The following PARP15 variants were observed in gnomAD, a reference collection of about 807,000 sequenced individuals.
PARP15 encodes the protein poly(ADP-ribose) polymerase family member 15.
A neutral mutation model predicts 62.1 loss-of-function variants in PARP15; 50 were observed. The ratio of observed to expected loss-of-function variants is 0.81; its 90% CI spans 0.64 to 1.02. PARP15 has a LOEUF of 1.02. Among genes scored for constraint, PARP15 ranks in the 50% least tolerant of loss-of-function variants. The probability of loss-of-function intolerance (pLI) is 0.00; values close to 1 mark genes in which losing one functional copy is unlikely to be tolerated. For synonymous variants in PARP15, 309 were observed against 293.1 expected (o/e 1.05, Z -0.55); for missense variants, 820 against 826.5 (o/e 0.99, Z 0.10).
chr3:122,578,051 G>GTT (rs765157695), intron 1 of PARP15, among the ~76,000 whole-genome samples, 198 bp downstream of exon 1: 2 of 58,900 alleles, frequency 3.4e-5, no homozygotes, highest in South Asian at 6.9e-4. Flanking sequence ...ATTTCTGGTG[G>GTT]TTTTTTTTTT....
At chr3:122,626,803 T>C (rs369292681) in intron 8 of PARP15, 24 bp from the exon 9 acceptor site, 29 of 1,602,236 alleles carry the variant, frequency 1.8e-5, no homozygotes, top group Non-Finnish European at 2.2e-5. Context: ...GGGAAACTTC[T>C]TTGTCATTAA....
At chr3:122,600,092 T>C (rs552260897) in intron 1 of PARP15, among the ~76,000 whole-genome samples, 88 of 152,336 alleles carry the variant, frequency 5.8e-4, no homozygotes, top group African/African-American at 1.9e-3. Flanking sequence ...TTAGCAGATA[T>C]AAGCACAAAA....
At chr3:122,592,510 T>C (rs2107478906) in intron 1 of PARP15, among the ~76,000 whole-genome samples, 1 of 152,042 alleles carries the variant, frequency 6.6e-6, no homozygotes, top group East Asian at 1.9e-4. Flanking sequence ...ACTGAGGTGA[T>C]GGGTATTTAG....
At chr3:122,579,485 C>G (rs2080754163) in intron 1 of PARP15, among the ~76,000 whole-genome samples, 1 of 152,206 alleles carries the variant, frequency 6.6e-6, no homozygotes, top group East Asian at 1.9e-4. Context: ...TGTCTTCAAC[C>G]TCTTCACTCA....
intron 1 of PARP15, among the ~76,000 whole-genome samples, chr3:122,598,709 G>A (rs969285457): frequency 2.6e-5 from 4 of 152,052 alleles, no homozygotes; most frequent in Admixed American, 6.6e-5. Context: ...AGGAGACTAC[G>A]CAAAGGCTCA....
intron 2 of PARP15, among the ~76,000 whole-genome samples, chr3:122,608,591 G>A (rs1935338805): frequency 6.6e-6 from 1 of 151,956 alleles, no homozygotes; most frequent in South Asian, 2.1e-4. Context: ...CCCAATTATA[G>A]CCATTCTTCA....
intron 8 of PARP15, among the ~76,000 whole-genome samples, chr3:122,624,392 T>C (rs1021294691): frequency 2.6e-5 from 4 of 152,168 alleles, no homozygotes; most frequent in Admixed American, 6.5e-5. Context: ...ACCAGGACTT[T>C]CCTGGTTTTA....
At chr3:122,634,494 G>A (rs759376414) in intron 10 of PARP15, among the ~76,000 whole-genome samples, 4 of 152,174 alleles carry the variant, frequency 2.6e-5, no homozygotes, top group Non-Finnish European at 5.9e-5. Context: ...AGAAGGGGAT[G>A]GCTCGTGGTT....
At chr3:122,635,707 C>T (rs1937320425) in intron 11 of PARP15, 104 bp from the exon 12 acceptor site, 20 of 1,315,318 alleles carry the variant, frequency 1.5e-5, no homozygotes, top group Non-Finnish European at 3.1e-6. Context: ...GCCAACACAC[C>T]TGGCTAAAAC....
At chr3:122,625,714 A>C (rs1034979295) in intron 8 of PARP15, among the ~76,000 whole-genome samples, 8 of 152,216 alleles carry the variant, frequency 5.3e-5, no homozygotes, top group Non-Finnish European at 5.9e-5. Flanking sequence ...CTACGGGTCA[A>C]CCTTGCTGAT....
At chr3:122,594,634 G>A in intron 1 of PARP15, 2 of 920,584 alleles carry the variant, frequency 2.2e-6, no homozygotes, top group Non-Finnish European at 2.6e-6. Context: ...ATAGAAATTA[G>A]CATCTAATTT....
intron 1 of PARP15, among the ~76,000 whole-genome samples, chr3:122,587,393 A>T (rs1446795810): frequency 6.6e-6 from 1 of 152,214 alleles, no homozygotes; most frequent in Non-Finnish European, 1.5e-5. Context: ...AAGTAGCTGT[A>T]CCATTTTGCA....
chr3:122,634,283 GTGA>G (rs1408995430), intron 10 of PARP15, among the ~76,000 whole-genome samples: 1 of 152,124 alleles, frequency 6.6e-6, no homozygotes, highest in Admixed American at 6.6e-5. Flanking sequence ...CTGAGCAGTA[GTGA>G]TTAGTTTTCT....
At position 122,610,676 on chromosome 3, in the gene PARP15, T is replaced by G; in HGVS notation, c.489T>G (p.Ala163=). ...MTSGCNLDCK[A]VLHAVAPYWN... is the part of the protein sequence containing the mutation. The stretch of plus-strand genomic sequence containing the variant: ...GCGGCTGCAATCTGGACTGCAAAGC[T>G]GTGCTCCATGCTGTGGCTCCATACT... Residue 163 remains alanine, a synonymous_variant, in exon 3 of 12, where the codon GCT becomes GCG. Transcript: ENST00000464300. 5.8e-6 allele frequency: 9 copies of G among 1,549,462 alleles called. No homozygotes were observed. In the South Asian group the frequency reaches 1.1e-4, roughly 19 times the overall value.
chr3:122,636,163 C>A lies in PARP15; in HGVS notation c.*63C>A. 1 of 1,498,000 alleles carries A rather than the reference C, an allele frequency of 6.7e-7. No homozygotes were observed. Among genetic ancestry groups the A allele is most frequent in the Non-Finnish European group, 9.1e-7 (1 of 1,100,188 alleles). 92.8% of individuals were successfully genotyped at this position (1,498,000 alleles called of 1,614,324 possible). ...TGTAAGAACAACATGCAATCTTTGT[C>A]TTTGCTTCTGGCCTGTGTAAGCAGA... On this transcript the variant is annotated 3_prime_UTR_variant, in exon 12 of 12. Coordinates refer to ENST00000464300, the MANE Select transcript of PARP15 (RefSeq NM_001113523.3).
intron 11 of PARP15, 123 bp from the exon 12 acceptor site, chr3:122,635,688 C>T (rs973445624): frequency 1.5e-5 from 16 of 1,101,670 alleles, no homozygotes; most frequent in Non-Finnish European, 1.5e-5. Flanking sequence ...GTTGGGATTA[C>T]AGGCATGAGC....
intron 1 of PARP15, among the ~76,000 whole-genome samples, chr3:122,593,072 T>G (rs1302186612): frequency 8.6e-6 from 1 of 116,948 alleles, no homozygotes; most frequent in Non-Finnish European, 1.8e-5. Context: ...ATGTATAGAC[T>G]AAAAGATAAA....
chr3:122,588,050 TG>T (rs1933590124), intron 1 of PARP15, among the ~76,000 whole-genome samples: 1 of 152,220 alleles, frequency 6.6e-6, no homozygotes, highest in Non-Finnish European at 1.5e-5. Context: ...TCTCCCAGTC[TG>T]TGGAAAGATG....
At chr3:122,610,198 C>G (rs1047623961) in intron 2 of PARP15, among the ~76,000 whole-genome samples, 1 of 152,152 alleles carries the variant, frequency 6.6e-6, no homozygotes, top group Non-Finnish European at 1.5e-5. Context: ...CAGTCTTCGT[C>G]TCTGACTCTC....
Sources: gnomAD v4.1 joint callset for allele counts (sites outside exome capture counted in the v4.1 genomes callset) on GRCh38, gnomAD v4.1.1 for gene constraint, MANE v1.5 for transcripts, NCBI Gene and HGNC (gene_info 2026-07-23, HGNC 2026-07-21) for gene names.